SLIT1: variants seen among roughly 807,000 people sequenced by gnomAD.
The protein encoded by SLIT1 is slit guidance ligand 1.
In SLIT1, 66 loss-of-function variants were observed where a neutral mutation model predicts 186.1. That is an observed-to-expected ratio of 0.35 (90% CI 0.29 to 0.44). SLIT1 has a LOEUF of 0.44. Among genes scored for constraint, SLIT1 ranks in the 20% least tolerant of loss-of-function variants. The pLI is 1.00. For synonymous variants in SLIT1, 761 were observed against 833.8 expected, an observed-to-expected ratio of 0.91 and a Z score of 1.50; for missense variants, 1,638 against 2,037.4, an observed-to-expected ratio of 0.80 and a Z score of 3.77.
At chr10:97,134,642 G>T (rs1849684872) in intron 4 of SLIT1, among the ~76,000 whole-genome samples, 1 of 152,142 alleles carries the variant, frequency 6.6e-6, no homozygotes, top group Admixed American at 6.5e-5. Context: ...CTCTCCCTCA[G>T]CAGGCATCCC....
At chr10:97,119,927 A>ATATATATATATG (rs1326694035) in intron 4 of SLIT1, among the ~76,000 whole-genome samples, 2 of 129,008 alleles carry the variant, frequency 1.6e-5, no homozygotes, top group African/African-American at 5.9e-5. Flanking sequence ...ATATATATAT[A>ATATATATATATG]TATATATATA....
At chr10:97,104,995 G>A (rs1051865735) in intron 4 of SLIT1, among the ~76,000 whole-genome samples, 3 of 152,150 alleles carry the variant, frequency 2.0e-5, no homozygotes, top group African/African-American at 7.2e-5. Context: ...TAGCCCCGGT[G>A]CTGAGTAGGC....
chr10:97,125,794 G>A (rs1366401973), intron 4 of SLIT1, among the ~76,000 whole-genome samples: 3 of 151,406 alleles, frequency 2.0e-5, no homozygotes, highest in African/African-American at 2.4e-5. Context: ...AGCTGAGATC[G>A]CACCACTGAG....
chr10:97,176,712 G>A lies in SLIT1; in HGVS notation c.197+8766C>T, dbSNP rs764092866. Among the ~76,000 whole-genome samples the A allele has an allele frequency of 1.2e-4, 18 of 152,008 alleles. 2 individuals are homozygous for A. In the South Asian group the frequency reaches 1.7e-3, roughly 14 times the overall value. ...ACACTGCTAACCCTCCTCCTCAGACGGACTGAATGCTCTCCACACTGCTAA... is the reference window on the plus strand; with the variant it reads ...ACACTGCTAACCCTCCTCCTCAGACAGACTGAATGCTCTCCACACTGCTAA... On this transcript the variant is annotated intron_variant, in intron 1 of 36. Coordinates refer to ENST00000266058, the MANE Select transcript of SLIT1 (RefSeq NM_003061.3).
At position 97,048,879 on chromosome 10, in the gene SLIT1, G is replaced by A. The variant is rs1848761143; in HGVS notation, c.1465+76C>T. ...GGTGGGCAGGTGGGCAGGTATGCAG[G>A]TGGACAAGTAGGCCGGTGGGCAGGT... On this transcript the variant is annotated intron_variant, in intron 14 of 36. Coordinates refer to ENST00000266058, the MANE Select transcript of SLIT1 (RefSeq NM_003061.3). The A allele has an allele frequency of 5.1e-5, 76 of 1,489,886 alleles. 2 individuals carry two copies. In the South Asian group the frequency reaches 7.9e-4, roughly 15 times the overall value. The allele number at this position is 1,489,886 out of a possible 1,614,324, so 92.3% of individuals were successfully genotyped here. A position where few individuals can be genotyped will look rare whatever the true frequency, so the allele number is the denominator to read the frequency against.
At chr10:97,024,149 T>C (rs1452498710) in intron 25 of SLIT1, among the ~76,000 whole-genome samples, 1 of 152,220 alleles carries the variant, frequency 6.6e-6, no homozygotes, top group Admixed American at 6.5e-5. Context: ...AATGGATGCC[T>C]TGCCATTTTC....
intron 6 of SLIT1, 47 bp from the exon 7 acceptor site, chr10:97,064,286 T>C (rs1435559463): frequency 6.5e-7 from 1 of 1,538,944 alleles, no homozygotes. Flanking sequence ...CAGCAGGAGA[T>C]GATGTGGGAC....
intron 4 of SLIT1, among the ~76,000 whole-genome samples, chr10:97,076,120 C>T (rs926373113): frequency 6.6e-6 from 1 of 152,200 alleles, no homozygotes; most frequent in Non-Finnish European, 1.5e-5. Context: ...CAGGCCCTTC[C>T]TGCATTTCTG....
intron 4 of SLIT1, among the ~76,000 whole-genome samples, chr10:97,140,294 C>A (rs532898440): frequency 1.1e-4 from 17 of 152,322 alleles, no homozygotes; most frequent in East Asian, 3.9e-4. Flanking sequence ...TGTCACCAGC[C>A]CACACTGCCT....
chr10:97,171,203 G>A (rs962195831), intron 1 of SLIT1, among the ~76,000 whole-genome samples: 10 of 152,234 alleles, frequency 6.6e-5, no homozygotes, highest in African/African-American at 2.4e-4. Context: ...CGGGGAAAAC[G>A]GAGGAAAGAA....
chr10:97,118,236 CA>C (rs1159168240), intron 4 of SLIT1, among the ~76,000 whole-genome samples: 5 of 152,168 alleles, frequency 3.3e-5, no homozygotes, highest in African/African-American at 1.2e-4. Context: ...AATTGAGACT[CA>C]AAAAGGTGAC....
At chr10:97,147,657 G>A (rs939330106) in intron 4 of SLIT1, among the ~76,000 whole-genome samples, 1 of 151,866 alleles carries the variant, frequency 6.6e-6, no homozygotes, top group Non-Finnish European at 1.5e-5. Flanking sequence ...GGCCTTTGTG[G>A]GGGGCGACTG....
intron 26 of SLIT1, among the ~76,000 whole-genome samples, chr10:97,019,972 A>C (rs1848488414): frequency 6.7e-6 from 1 of 148,956 alleles, no homozygotes; most frequent in South Asian, 2.2e-4. Context: ...TTTTTCCTTT[A>C]TTTTCCTTTA....
intron 4 of SLIT1, among the ~76,000 whole-genome samples, chr10:97,082,666 C>T (rs1263649753): frequency 6.6e-6 from 1 of 152,118 alleles, no homozygotes; most frequent in Non-Finnish European, 1.5e-5. Context: ...GATCTCCTGA[C>T]CTTGTGATCT....
chr10:97,067,950 G>A (rs1457744825), intron 4 of SLIT1, among the ~76,000 whole-genome samples: 2 of 152,180 alleles, frequency 1.3e-5, no homozygotes, highest in Non-Finnish European at 2.9e-5. Flanking sequence ...GGCCGCCGCT[G>A]CCCTGTCTGG....
chr10:97,061,944 C>T (rs998528932), intron 8 of SLIT1, among the ~76,000 whole-genome samples: 4 of 152,184 alleles, frequency 2.6e-5, no homozygotes, highest in African/African-American at 9.7e-5. Flanking sequence ...TGAGACAAAG[C>T]TACATGGATT....
intron 4 of SLIT1, among the ~76,000 whole-genome samples, chr10:97,151,004 G>A (rs915914035): frequency 6.6e-5 from 10 of 150,560 alleles, no homozygotes; most frequent in East Asian, 2.0e-4. Context: ...CTGCCCCCCC[G>A]CCGGAAGGAG....
intron 4 of SLIT1, among the ~76,000 whole-genome samples, chr10:97,137,612 G>T (rs1049958708): frequency 1.3e-5 from 2 of 150,028 alleles, no homozygotes; most frequent in African/African-American, 4.9e-5. Context: ...TTTAGACAAG[G>T]TCTCACTCTA....
chr10:97,081,941 T>C (rs1380029103), intron 4 of SLIT1, among the ~76,000 whole-genome samples: 1 of 152,232 alleles, frequency 6.6e-6, no homozygotes, highest in African/African-American at 2.4e-5. Flanking sequence ...AAACCTTGTC[T>C]ACTCAGCTCT....
Sources: gnomAD v4.1 joint callset for allele counts (sites outside exome capture counted in the v4.1 genomes callset) on GRCh38, gnomAD v4.1.1 for gene constraint, MANE v1.5 for transcripts, NCBI Gene and HGNC (gene_info 2026-07-23, HGNC 2026-07-21) for gene names.